Variants in MRAP2 observed in about 807,000 individuals in gnomAD.
MRAP2 encodes melanocortin-2 receptor accessory protein 2.
A neutral mutation model predicts 17.4 loss-of-function variants in MRAP2; 20 were observed. The observed-to-expected ratio is 1.15, with a 90% CI of 0.81 to 1.67. The LOEUF (loss-of-function observed/expected upper bound fraction) is 1.67, where lower values mean the gene tolerates loss of function less well. Ranked by LOEUF, MRAP2 falls within the 40% of genes most tolerant of loss-of-function variation. MRAP2 has a pLI of 0.00. For missense variants in MRAP2, 238 were observed against 240.0 expected (o/e 0.99, Z 0.05); for synonymous variants, 96 against 88.4 (o/e 1.09, Z -0.48).
chr6:84,103,784 T>C, the MRAP2 span, among the ~76,000 whole-genome samples: 5 of 152,204 alleles, frequency 3.3e-5, no homozygotes, highest in Non-Finnish European at 5.9e-5. Context: ...TACCATTAGA[T>C]AGGAACCATT....
At chr6:84,127,680 T>C in the MRAP2 span, among the ~76,000 whole-genome samples, 1 of 152,196 alleles carries the variant, frequency 6.6e-6, no homozygotes, top group African/African-American at 2.4e-5. Context: ...TTTTTAATGG[T>C]TGAAAAATGA....
At chr6:84,063,080 C>A in intron 3 of MRAP2, 88 bp downstream of exon 3, 1 of 1,580,090 alleles carries the variant, frequency 6.3e-7, no homozygotes, top group South Asian at 1.1e-5. Flanking sequence ...AGGTGCTTCC[C>A]GTGGATGAAG....
chr6:84,039,238 T>A (rs1244579668), intron 1 of MRAP2, among the ~76,000 whole-genome samples: 1 of 152,236 alleles, frequency 6.6e-6, no homozygotes, highest in Non-Finnish European at 1.5e-5. Context: ...CTTACACAAT[T>A]ATCTATTCCT....
chr6:84,049,981 C>CGTGTGTGTGTGTGT (rs566111982), intron 1 of MRAP2, among the ~76,000 whole-genome samples: 1,728 of 134,404 alleles, frequency 0.013, 31 homozygotes, highest in South Asian at 0.069. Context: ...TGCGTGCATT[C>CGTGTGTGTGTGTGT]ATGTGTGTGT....
intron 3 of MRAP2, among the ~76,000 whole-genome samples, chr6:84,070,930 C>G (rs1383033238): frequency 4.6e-5 from 7 of 152,150 alleles, no homozygotes; most frequent in Admixed American, 1.3e-4. Flanking sequence ...TTTTTCCACC[C>G]CTTTACTTTA....
chr6:84,041,853 G>A (rs1208513183), intron 1 of MRAP2, among the ~76,000 whole-genome samples: 1 of 152,204 alleles, frequency 6.6e-6, no homozygotes. Context: ...TGTCTCAGGT[G>A]AGACTTTGGA....
At chr6:84,122,023 T>C in the MRAP2 span, among the ~76,000 whole-genome samples, 1 of 152,062 alleles carries the variant, frequency 6.6e-6, no homozygotes, top group East Asian at 1.9e-4. Context: ...GTAAACCAAA[T>C]TGACAGCTAG....
At chr6:84,054,429 A>G (rs1486636975) in intron 1 of MRAP2, among the ~76,000 whole-genome samples, 1 of 152,254 alleles carries the variant, frequency 6.6e-6, no homozygotes, top group Non-Finnish European at 1.5e-5. Flanking sequence ...GATACTTGGG[A>G]AATCCTGAAA....
intron 1 of MRAP2, among the ~76,000 whole-genome samples, chr6:84,036,429 G>A (rs370907625): frequency 2.5e-4 from 38 of 152,162 alleles, no homozygotes; most frequent in East Asian, 7.7e-4. Context: ...GGACCCTTGC[G>A]GTGAGTGTTA....
upstream of MRAP2, chr6:84,033,577 G>T (rs1487490980): frequency 2.9e-6 from 2 of 678,632 alleles, no homozygotes; most frequent in Non-Finnish European, 3.6e-6. Flanking sequence ...CTCTGACCCG[G>T]ACTCGGAGGG....
chr6:84,114,627 G>A, the MRAP2 span, among the ~76,000 whole-genome samples: 2 of 152,114 alleles, frequency 1.3e-5, no homozygotes, highest in African/African-American at 4.8e-5. Flanking sequence ...TGCTGGTGAG[G>A]AGTTGTGATC....
chr6:84,088,584 A>G (rs1408125880), intron 3 of MRAP2, among the ~76,000 whole-genome samples: 3 of 152,214 alleles, frequency 2.0e-5, no homozygotes, highest in Non-Finnish European at 2.9e-5. Context: ...AATGGATATT[A>G]TAGCATTTTG....
the MRAP2 span, among the ~76,000 whole-genome samples, chr6:84,099,227 G>T: frequency 6.7e-6 from 1 of 149,632 alleles, no homozygotes; most frequent in Non-Finnish European, 1.5e-5. Flanking sequence ...TTCCAGCATG[G>T]TTTGGTGAAA....
chr6:84,055,554 T>G, intron 2 of MRAP2, 109 bp downstream of exon 2: 3 of 1,121,600 alleles, frequency 2.7e-6, no homozygotes, highest in Non-Finnish European at 2.5e-6. Flanking sequence ...CAGAACTCTC[T>G]GTCCTCTACC....
chr6:84,059,217 T>C (rs2099492444), intron 2 of MRAP2, among the ~76,000 whole-genome samples: 2 of 152,148 alleles, frequency 1.3e-5, no homozygotes, highest in South Asian at 4.2e-4. Context: ...AAATTCATGC[T>C]TTTTCGTGTG....
Position 84,082,286 on chromosome 6 carries a change from T to C in MRAP2, c.228-6805T>C, listed in dbSNP as rs553183105. Among the ~76,000 whole-genome samples, 4 of 152,320 alleles carry C rather than the reference T, an allele frequency of 2.6e-5. No homozygotes were observed. In the East Asian group the frequency reaches 7.7e-4, roughly 29 times the overall value. On this transcript the variant is annotated intron_variant, in intron 3 of 3. Coordinates refer to ENST00000257776, the MANE Select transcript of MRAP2 (RefSeq NM_138409.4). ...GCTAAAAACCTAATAACAAGAGTGT[T>C]GTAGTTTTTCTTTAGAAATATAACT...
intron 2 of MRAP2, chr6:84,061,882 T>TG (rs2099493265): frequency 3.0e-6 from 3 of 985,278 alleles, no homozygotes; most frequent in Non-Finnish European, 3.6e-6. Flanking sequence ...TCTGGAAAAG[T>TG]GGGTCAGTTC....
chr6:84,078,866 T>C (rs1021908145), intron 3 of MRAP2, among the ~76,000 whole-genome samples: 1 of 152,210 alleles, frequency 6.6e-6, no homozygotes, highest in African/African-American at 2.4e-5. Context: ...CTACATAAAC[T>C]TCTTTTATTT....
chr6:84,140,177 T>C, the MRAP2 span, among the ~76,000 whole-genome samples: 1 of 152,106 alleles, frequency 6.6e-6, no homozygotes, highest in East Asian at 1.9e-4. Flanking sequence ...TGACAAGTGG[T>C]GTTCTCTTTG....
Sources: allele counts gnomAD v4.1 joint callset (sites outside exome capture counted in the v4.1 genomes callset), GRCh38; gene constraint gnomAD v4.1.1; transcripts MANE v1.5; gene names NCBI Gene and HGNC (gene_info 2026-07-23, HGNC 2026-07-21).